ZSCAN5A: variants seen among roughly 807,000 people sequenced by gnomAD.
ZSCAN5A encodes the protein zinc finger and SCAN domain containing 5A.
A neutral mutation model predicts 23.7 loss-of-function variants in ZSCAN5A; 12 were observed. The ratio of observed to expected loss-of-function variants is 0.51; its 90% CI spans 0.32 to 0.82. The LOEUF is 0.82. ZSCAN5A is among the 40% of genes least tolerant of loss of function. The pLI is 0.03. For missense variants in ZSCAN5A, 597 were observed against 617.9 expected (o/e 0.97, Z 0.36); for synonymous variants, 257 against 239.9 (o/e 1.07, Z -0.66).
At chr19:56,242,170 C>A (rs1015156783) in intron 2 of ZSCAN5A, among the ~76,000 whole-genome samples, 5 of 152,128 alleles carry the variant, frequency 3.3e-5, no homozygotes, top group African/African-American at 4.8e-5. Context: ...GCGCAGAGGA[C>A]CCCTTTCCCC....
intron 2 of ZSCAN5A, chr19:56,297,509 A>G (rs2039956466): frequency 2.0e-6 from 2 of 984,766 alleles, no homozygotes; most frequent in African/African-American, 3.5e-5. Flanking sequence ...TTTTAGAAGA[A>G]ACAAGTGGCT....
intron 2 of ZSCAN5A, among the ~76,000 whole-genome samples, chr19:56,288,514 C>T (rs2039290292): frequency 6.6e-6 from 1 of 152,146 alleles, no homozygotes; most frequent in Admixed American, 6.5e-5. Flanking sequence ...CCAACGATAC[C>T]CCACTTTTGA....
intron 2 of ZSCAN5A, chr19:56,338,349 G>C (rs1217831196): frequency 6.6e-6 from 1 of 152,154 alleles, no homozygotes; most frequent in Non-Finnish European, 1.5e-5. Flanking sequence ...GGGTGAAGGA[G>C]AATCACGTAG....
At chr19:56,272,652 TAC>T (rs1315374087) in intron 2 of ZSCAN5A, 1 of 152,318 alleles carries the variant, frequency 6.6e-6, no homozygotes, top group Admixed American at 6.5e-5. Flanking sequence ...AAAAAGCAGA[TAC>T]AGTTCTTTGG....
chr19:56,261,214 A>G (rs917997307), intron 2 of ZSCAN5A, among the ~76,000 whole-genome samples: 1 of 151,910 alleles, frequency 6.6e-6, no homozygotes, highest in Non-Finnish European at 1.5e-5. Context: ...AAAAAAAAAA[A>G]AGAAAAAAAT....
chr19:56,252,912 G>T (rs1185591064), intron 2 of ZSCAN5A, among the ~76,000 whole-genome samples: 6 of 152,218 alleles, frequency 3.9e-5, no homozygotes, highest in African/African-American at 1.4e-4. Flanking sequence ...ACGTGGGGCT[G>T]ACAAGGCCAT....
chr19:56,227,150 TA>T (rs957362781), intron 2 of ZSCAN5A, among the ~76,000 whole-genome samples: 30 of 152,046 alleles, frequency 2.0e-4, no homozygotes, highest in African/African-American at 6.3e-4. Context: ...GGAAACTGCT[TA>T]AAAAAAATTA....
At chr19:56,296,815 C>A (rs112383198) in intron 2 of ZSCAN5A, among the ~76,000 whole-genome samples, 11 of 152,282 alleles carry the variant, frequency 7.2e-5, no homozygotes, top group African/African-American at 2.2e-4. Context: ...GGGTGGATCA[C>A]CTGAGGTCAG....
intron 2 of ZSCAN5A, chr19:56,320,075 T>TA: frequency 1.3e-6 from 1 of 774,954 alleles, no homozygotes; most frequent in Non-Finnish European, 2.4e-6. Flanking sequence ...TCTCTTCTTA[T>TA]ACCTGTCACT....
At chr19:56,284,513 A>ATTTTTTTTTTTTTTTTTTTTTTTTTTTT (rs11374260) in intron 2 of ZSCAN5A, among the ~76,000 whole-genome samples, 1 of 118,318 alleles carries the variant, frequency 8.5e-6, no homozygotes. Flanking sequence ...GCTTGCTGTA[A>ATTTTTTTTTTTTTTTTTTTTTTTTTTTT]TTTTTTTTTT....
intron 2 of ZSCAN5A, among the ~76,000 whole-genome samples, chr19:56,250,623 C>T (rs1194644769): frequency 6.6e-6 from 1 of 152,158 alleles, no homozygotes; most frequent in East Asian, 1.9e-4. Context: ...AAGTCAGCAT[C>T]TTGAGGCCAG....
rs762833170 is a variant in ZSCAN5A at position 56,238,125 on chromosome 19, CACAG to C, written c.-127-12956_-127-12953del. On this transcript the variant is annotated intron_variant, in intron 2 of 5. Coordinates refer to ENST00000683990, the MANE Select transcript of ZSCAN5A (RefSeq NM_001322064.3). ...AAACACATACGAACACACACCCACA[CACAG>C]ACACACACATGGACATACACACATA... Among the ~76,000 whole-genome samples, 33 of 150,748 alleles carry C rather than the reference CACAG, an allele frequency of 2.2e-4. No individual in the cohort carries two copies. The East Asian group carries it at 5.1e-3, about 23-fold the overall frequency.
At chr19:56,362,392 C>A (rs1186437142) in intron 2 of ZSCAN5A, among the ~76,000 whole-genome samples, 3 of 151,652 alleles carry the variant, frequency 2.0e-5, no homozygotes, top group African/African-American at 7.3e-5. Context: ...CGTGGCGAGA[C>A]CCCCACCTCT....
In ZSCAN5A at chr19:56,287,404, G is replaced by A. The variant is rs144267065; in HGVS notation, c.-128+25879C>T. Among the ~76,000 whole-genome samples the A allele has an allele frequency of 5.8e-3, 888 of 151,932 alleles. 2 individuals are homozygous for A. The highest frequency in any genetic ancestry group is 8.7e-3 in the Non-Finnish European group (592 of 67,964). ...TCACCTCTCCTTTTCTTCCCTTCCC[G>A]CCTCTCCTCCCTCCCACATTGCCTG... On this transcript the variant is annotated intron_variant, in intron 2 of 5. Coordinates refer to ENST00000683990, the MANE Select transcript of ZSCAN5A (RefSeq NM_001322064.3).
chr19:56,256,913 G>A (rs530094025), intron 2 of ZSCAN5A, among the ~76,000 whole-genome samples: 186 of 152,166 alleles, frequency 1.2e-3, no homozygotes, highest in African/African-American at 3.9e-3. Flanking sequence ...AAAAAAAAAA[G>A]CAAACAGGTG....
chr19:56,327,549 A>G (rs1392378184), intron 2 of ZSCAN5A, among the ~76,000 whole-genome samples: 1 of 150,976 alleles, frequency 6.6e-6, no homozygotes, highest in African/African-American at 2.4e-5. Context: ...ATAAATATGC[A>G]CATTATATTA....
In ZSCAN5A at chr19:56,302,777, G is replaced by T. The variant is rs558620068; in HGVS notation, c.-128+10506C>A. The T allele has an allele frequency of 1.1e-4, 45 of 397,582 alleles. No individual in the cohort carries two copies. In the East Asian group the frequency reaches 1.6e-3, roughly 14 times the overall value. 24.6% of individuals were successfully genotyped at this position (397,582 alleles called of 1,614,324 possible). ...CTTCTGCACTAACACAGCCCCAGGG[G>T]CTCCTTTGAAATACTGTCACTCATT... On this transcript the variant is annotated intron_variant, in intron 2 of 5. Coordinates refer to ENST00000683990, the MANE Select transcript of ZSCAN5A (RefSeq NM_001322064.3).
intron 2 of ZSCAN5A, among the ~76,000 whole-genome samples, chr19:56,262,602 TTG>T (rs2037203866): frequency 6.6e-6 from 1 of 151,822 alleles, no homozygotes. Context: ...GCTAATTTTT[TTG>T]TGTCTTTAGT....
chr19:56,339,350 C>T (rs933395772), intron 2 of ZSCAN5A, among the ~76,000 whole-genome samples: 5 of 148,918 alleles, frequency 3.4e-5, no homozygotes, highest in Non-Finnish European at 7.5e-5. Context: ...CCGCATTTAG[C>T]AATATGTGAA....
Sources: allele counts gnomAD v4.1 joint callset (sites outside exome capture counted in the v4.1 genomes callset), GRCh38; gene constraint gnomAD v4.1.1; transcripts MANE v1.5; gene names NCBI Gene and HGNC (gene_info 2026-07-23, HGNC 2026-07-21).